PCDHA8: variants seen among roughly 807,000 people sequenced by gnomAD.
PCDHA8 encodes protocadherin alpha 8.
In PCDHA8, 53 loss-of-function variants were observed where a neutral mutation model predicts 61.8. That is an observed-to-expected ratio of 0.86 (90% CI 0.69 to 1.08). The LOEUF is 1.08. Among genes scored for constraint, PCDHA8 ranks in the 50% least tolerant of loss-of-function variants. The pLI, the probability that PCDHA8 is intolerant of heterozygous loss-of-function variation, is 0.00. For missense variants in PCDHA8, 1,293 were observed against 1,245.0 expected, an observed-to-expected ratio of 1.04 and a Z score of -0.58; for synonymous variants, 618 against 556.6, an observed-to-expected ratio of 1.11 and a Z score of -1.55.
intron 1 of PCDHA8, among the ~76,000 whole-genome samples, chr5:140,921,909 CATG>C (rs1554200522): frequency 6.6e-6 from 1 of 151,678 alleles, no homozygotes; most frequent in Non-Finnish European, 1.5e-5. Context: ...ATATATATTA[CATG>C]ATAAAACTTA....
Position 140,935,377 on chromosome 5 carries a change from C to T in PCDHA8, c.2395-43572C>T, listed in dbSNP as rs139207351. On this transcript the variant is annotated intron_variant, in intron 1 of 3. Coordinates refer to ENST00000531613, the MANE Select transcript of PCDHA8 (RefSeq NM_018911.3). ...GTTTTCATTAACGTCAACAGAATTA[C>T]TCATTTGTTATCCCACGGGACTCAA... is the stretch of plus-strand genomic sequence containing the variant. Among the ~76,000 whole-genome samples the T allele has an allele frequency of 1.3e-4, 20 of 152,332 alleles. No individual in the cohort carries two copies. In the East Asian group the frequency reaches 3.1e-3, roughly 23 times the overall value.
chr5:141,011,325 A>G lies in PCDHA8; in HGVS notation c.*1388A>G, dbSNP rs533115888. 1 of 153,778 alleles carries G rather than the reference A, an allele frequency of 6.5e-6. No individual in the cohort carries two copies. Among genetic ancestry groups the G allele is most frequent in the African/African-American group, 2.4e-5 (1 of 41,456 alleles). 9.5% of individuals were successfully genotyped at this position (153,778 alleles called of 1,614,324 possible). On this transcript the variant is annotated 3_prime_UTR_variant, in exon 4 of 4. Transcript: ENST00000531613. ...TGAATTGCTAATCTTACTAACACCTATGATGTTACCTGAAATCAATCTCCC... is the reference window on the plus strand; with the variant it reads ...TGAATTGCTAATCTTACTAACACCTGTGATGTTACCTGAAATCAATCTCCC...
At chr5:140,936,351 T>C (rs2090932385) in intron 1 of PCDHA8, among the ~76,000 whole-genome samples, 1 of 152,246 alleles carries the variant, frequency 6.6e-6, no homozygotes, top group African/African-American at 2.4e-5. Flanking sequence ...ATATATGGAA[T>C]GTGTAGCTAC....
At chr5:140,933,221 G>T (rs952837794) in intron 1 of PCDHA8, among the ~76,000 whole-genome samples, 1 of 151,758 alleles carries the variant, frequency 6.6e-6, no homozygotes, top group Non-Finnish European at 1.5e-5. Flanking sequence ...CTGTTATATT[G>T]CATTTATGAA....
At chr5:140,869,511 A>C in intron 1 of PCDHA8, 1 of 1,614,194 alleles carries the variant, frequency 6.2e-7, no homozygotes, top group Non-Finnish European at 8.5e-7. Context: ...TCTCGCTCAG[A>C]GAACAAAAGC....
In PCDHA8 at chr5:140,876,716, G is replaced by T. The variant is rs374218090; in HGVS notation, c.2394+33001G>T. The T allele has an allele frequency of 9.3e-6, 15 of 1,614,132 alleles. No individual in the cohort carries two copies. The African/African-American group carries it at 1.2e-4, about 13-fold the overall frequency. ...TTGGTGCTGGACAGCGCCCTGGACC[G>T]CGAGAGCGTGTCGGCCTATGAGCTG... On this transcript the variant is annotated intron_variant, in intron 1 of 3. Coordinates refer to ENST00000531613, the MANE Select transcript of PCDHA8 (RefSeq NM_018911.3).
chr5:140,997,046 T>C (rs2097756944), intron 3 of PCDHA8, among the ~76,000 whole-genome samples: 1 of 152,176 alleles, frequency 6.6e-6, no homozygotes, highest in Admixed American at 6.5e-5. Flanking sequence ...AACTTTACTT[T>C]TTAGAGCAGT....
intron 1 of PCDHA8, among the ~76,000 whole-genome samples, chr5:140,971,297 T>C (rs1246980755): frequency 4.6e-5 from 7 of 152,222 alleles, no homozygotes; most frequent in Non-Finnish European, 1.0e-4. Context: ...TGTACTTTGG[T>C]ACACAAACAT....
At chr5:140,886,599 G>A (rs1370842751) in intron 1 of PCDHA8, among the ~76,000 whole-genome samples, 1 of 151,940 alleles carries the variant, frequency 6.6e-6, no homozygotes, top group African/African-American at 2.4e-5. Flanking sequence ...AGGCCAAGGT[G>A]GGCGGATCAG....
At chr5:140,878,358 A>G (rs2057559820) in intron 1 of PCDHA8, among the ~76,000 whole-genome samples, 1 of 152,254 alleles carries the variant, frequency 6.6e-6, no homozygotes, top group Non-Finnish European at 1.5e-5. Context: ...TATAAATGAT[A>G]TGTCTGACAT....
chr5:140,893,778 A>G (rs1017243223), intron 1 of PCDHA8, among the ~76,000 whole-genome samples: 2 of 151,936 alleles, frequency 1.3e-5, no homozygotes, highest in South Asian at 4.2e-4. Flanking sequence ...CTTTTCTTTT[A>G]CCGTTTTTAG....
In PCDHA8 at chr5:140,841,362, T is replaced by A; in HGVS notation, c.41T>A (p.Leu14Gln). 1 of 1,613,494 alleles carries A rather than the reference T, an allele frequency of 6.2e-7. No homozygotes were observed. The highest frequency in any genetic ancestry group is 1.3e-5 in the African/African-American group (1 of 74,994). The change falls in exon 1 of 4, where the codon CTA becomes CAA. Residue 14 changes from leucine to glutamine, a missense_variant. Physicochemically the swap from Leu to Gln is moderately radical, Grantham distance 113. Coordinates refer to ENST00000531613, the MANE Select transcript of PCDHA8 (RefSeq NM_018911.3). ...HWRGELGSWR[L>Q]LLLLLLLAAW... ...CGAGGAGAGCTGGGATCCTGGCGACTACTACTCTTGCTTCTGCTCCTCGCA... is the reference window on the plus strand; with the variant it reads ...CGAGGAGAGCTGGGATCCTGGCGACAACTACTCTTGCTTCTGCTCCTCGCA...
intron 1 of PCDHA8, among the ~76,000 whole-genome samples, chr5:140,935,606 T>C (rs531169810): frequency 6.6e-6 from 1 of 152,352 alleles, no homozygotes; most frequent in East Asian, 1.9e-4. Flanking sequence ...GAGCTAGGCT[T>C]TTTTCAAGTC....
chr5:140,904,555 C>CT (rs569725486), intron 1 of PCDHA8, among the ~76,000 whole-genome samples: 13 of 151,744 alleles, frequency 8.6e-5, no homozygotes, highest in Middle Eastern at 3.4e-3. Flanking sequence ...CATATAATGA[C>CT]TTTTTTTTCC....
At chr5:140,981,479 C>T (rs1275257398) in intron 2 of PCDHA8, among the ~76,000 whole-genome samples, 20 of 152,148 alleles carry the variant, frequency 1.3e-4, no homozygotes, top group African/African-American at 4.8e-4. Flanking sequence ...GAGGCTGAGG[C>T]AGGAGAATTG....
rs782354452 is a variant in PCDHA8, at chr5:140,966,783, C to G, written c.2395-12166C>G. 28 of 1,520,948 alleles carry G rather than the reference C, an allele frequency of 1.8e-5. No homozygotes were observed. The highest frequency in any genetic ancestry group is 2.1e-4 in the Middle Eastern group (1 of 4,706). The allele number at this position is 1,520,948 out of a possible 1,614,324, so 94.2% of individuals were successfully genotyped here. On this transcript the variant is annotated intron_variant, in intron 1 of 3. Transcript: ENST00000531613. ...CCAGTGGCTATGGAGCAGGCGGGCA[C>G]CAGACCTGCGGCGACAGAGCATCCA...
At chr5:140,992,533 C>T (rs1292844643) in intron 3 of PCDHA8, among the ~76,000 whole-genome samples, 1 of 152,188 alleles carries the variant, frequency 6.6e-6, no homozygotes, top group Non-Finnish European at 1.5e-5. Context: ...GGAAAAGTCA[C>T]TGTCACAAGT....
intron 1 of PCDHA8, chr5:140,876,550 C>T: frequency 6.2e-7 from 1 of 1,614,186 alleles, no homozygotes; most frequent in Non-Finnish European, 8.5e-7. Context: ...GCTCCCTGTG[C>T]AAGAGGATGC....
At chr5:140,905,343 G>C (rs2071757275) in intron 1 of PCDHA8, among the ~76,000 whole-genome samples, 1 of 152,148 alleles carries the variant, frequency 6.6e-6, no homozygotes, top group Non-Finnish European at 1.5e-5. Context: ...TCAGTTGGCT[G>C]TAAGTATTTG....
Sources: gnomAD v4.1 joint callset for allele counts (sites outside exome capture counted in the v4.1 genomes callset) on GRCh38, gnomAD v4.1.1 for gene constraint, MANE v1.5 for transcripts, NCBI Gene and HGNC (gene_info 2026-07-23, HGNC 2026-07-21) for gene names.